Variants in SNUPN observed in about 807,000 individuals in gnomAD.
The protein encoded by SNUPN is snurportin-1.
Under a neutral mutation model 39.2 loss-of-function variants are expected in SNUPN, and 31 were observed. The observed-to-expected ratio is 0.79, with a 90% CI of 0.59 to 1.07. The LOEUF is 1.07. Ranked by LOEUF, SNUPN falls within the 50% of genes least tolerant of loss-of-function variation. The pLI is 0.00. For missense variants in SNUPN, 382 were observed against 434.2 expected, an observed-to-expected ratio of 0.88 and a Z score of 1.07; for synonymous variants, 132 against 159.0, an observed-to-expected ratio of 0.83 and a Z score of 1.28.
intron 5 of SNUPN, among the ~76,000 whole-genome samples, chr15:75,608,415 G>A (rs1892685925): frequency 6.6e-6 from 1 of 152,164 alleles, no homozygotes; most frequent in Non-Finnish European, 1.5e-5. Context: ...GCTCAGTACA[G>A]AGGACATGAG....
chr15:75,610,522 A>G (rs1442616440), intron 3 of SNUPN, among the ~76,000 whole-genome samples: 2 of 151,886 alleles, frequency 1.3e-5, no homozygotes, highest in African/African-American at 4.8e-5. Flanking sequence ...GCCACTGACT[A>G]TGAACTTTGG....
At position 75,617,388 on chromosome 15, in the gene SNUPN, ATCT is replaced by A. The variant is rs748042623; in HGVS notation, c.303+17_303+19del. The A allele has an allele frequency of 3.7e-6, 6 of 1,610,402 alleles. No individual in the cohort carries two copies. The highest frequency in any genetic ancestry group is 2.2e-5 in the South Asian group (2 of 90,214). Reference sequence around the variant, plus strand: ...AAGGGAGTGAGATTAGCTGGGTCTCATCTTCTCTGGACCACTTACTTGATTAGC... The same window carrying A: ...AAGGGAGTGAGATTAGCTGGGTCTCATCTCTGGACCACTTACTTGATTAGC... On this transcript the variant is annotated intron_variant, in intron 3 of 8. Transcript: ENST00000308588.
At chr15:75,622,916 G>A (rs1007041188) in intron 1 of SNUPN, among the ~76,000 whole-genome samples, 4 of 152,166 alleles carry the variant, frequency 2.6e-5, no homozygotes, top group African/African-American at 9.7e-5. Flanking sequence ...GAGGCAGGAG[G>A]TATGCTTGAG....
intron 1 of SNUPN, among the ~76,000 whole-genome samples, chr15:75,623,870 C>T (rs950058969): frequency 6.6e-6 from 1 of 151,512 alleles, no homozygotes; most frequent in Non-Finnish European, 1.5e-5. Context: ...GGTATGTATG[C>T]TATTGTCTCT....
chr15:75,600,884 T>C, intron 8 of SNUPN: 1 of 398,226 alleles, frequency 2.5e-6, no homozygotes, highest in South Asian at 2.6e-5. Context: ...GACCTCAGTT[T>C]CTCCATCTGT....
chr15:75,617,448 A>G lies in SNUPN; in HGVS notation c.263T>C (p.Ile88Thr), dbSNP rs756578105. The G allele has an allele frequency of 1.1e-5, 18 of 1,614,008 alleles. No homozygotes were observed. The highest frequency in any genetic ancestry group is 1.7e-5 in the Admixed American group (1 of 59,968). ...TTTTGGTAACTTCTTGACAGTGTCA[A>G]TGTCCATTTCTTCATCATCTTTCTT... ...ENKKDDEEMD[I>T]DTVKKLPKHY... The change falls in exon 3 of 9, where the codon ATT (isoleucine) becomes ACT (threonine). Residue 88 changes from isoleucine (I) to threonine (T), a missense_variant. Ile to Thr is a moderately conservative substitution (Grantham distance 89). Transcript: ENST00000308588.
intron 7 of SNUPN, among the ~76,000 whole-genome samples, chr15:75,603,321 ACAGGCGTGAGCTACCG>A (rs2075305382): frequency 7.0e-6 from 1 of 143,656 alleles, no homozygotes. Flanking sequence ...TGCTGGGATT[ACAGGCGTGAGCTACCG>A]CACTCGGCCT....
chr15:75,607,352 T>A, intron 5 of SNUPN, 39 bp from the exon 6 acceptor site: 1 of 1,433,584 alleles, frequency 7.0e-7, no homozygotes, highest in South Asian at 1.1e-5. Context: ...AGAGTTCTTC[T>A]TCCAACCAGG....
chr15:75,624,213 CA>C (rs1893156244), intron 1 of SNUPN, among the ~76,000 whole-genome samples: 1 of 150,414 alleles, frequency 6.6e-6, no homozygotes, highest in African/African-American at 2.4e-5. Context: ...AGGCGTGAGC[CA>C]CCGCGCCCGG....
chr15:75,601,776 C>T (rs2075289269), intron 7 of SNUPN, among the ~76,000 whole-genome samples: 1 of 151,922 alleles, frequency 6.6e-6, no homozygotes, highest in Non-Finnish European at 1.5e-5. Context: ...CTAAACCAAG[C>T]CAAAACAAAA....
intron 6 of SNUPN, among the ~76,000 whole-genome samples, chr15:75,605,741 C>T (rs990258927): frequency 4.6e-5 from 7 of 152,156 alleles, no homozygotes; most frequent in African/African-American, 1.7e-4. Context: ...TATCCTTCAG[C>T]AGAATTAAAG....
intron 8 of SNUPN, 195 bp downstream of exon 8, chr15:75,600,943 A>C (rs1678928141): frequency 1.9e-6 from 1 of 516,834 alleles, no homozygotes; most frequent in African/African-American, 1.9e-5. Context: ...TTCCAGTGCC[A>C]GCATTCTGAC....
chr15:75,603,673 A>AG (rs2075309003), intron 7 of SNUPN, among the ~76,000 whole-genome samples: 1 of 151,610 alleles, frequency 6.6e-6, no homozygotes, highest in African/African-American at 2.4e-5. Flanking sequence ...AAAAAAAAAA[A>AG]AAAAAAAAGC....
chr15:75,621,324 A>C (rs551752631), intron 1 of SNUPN, among the ~76,000 whole-genome samples: 1 of 150,070 alleles, frequency 6.7e-6, no homozygotes, highest in East Asian at 2.0e-4. Context: ...GTAGTGGTGC[A>C]ATCACAGCTC....
At chr15:75,605,548 C>A (rs1047068242) in intron 6 of SNUPN, among the ~76,000 whole-genome samples, 1 of 152,102 alleles carries the variant, frequency 6.6e-6, no homozygotes, top group African/African-American at 2.4e-5. Context: ...ATCTCTCCAC[C>A]TCGAGCCTCC....
At chr15:75,602,042 C>T (rs2075291881) in intron 7 of SNUPN, among the ~76,000 whole-genome samples, 1 of 152,004 alleles carries the variant, frequency 6.6e-6, no homozygotes, top group Admixed American at 6.6e-5. Context: ...TGTACCCAGC[C>T]CCAACCTTCT....
chr15:75,600,930 C>A, intron 8 of SNUPN: 1 of 494,708 alleles, frequency 2.0e-6, no homozygotes, highest in Non-Finnish European at 3.7e-6. Context: ...CCATTAAGGG[C>A]CCTTCCAGTG....
intron 6 of SNUPN, 79 bp from the exon 7 acceptor site, chr15:75,605,306 T>A (rs2075322469): frequency 8.6e-5 from 10 of 115,734 alleles, no homozygotes; most frequent in South Asian, 2.0e-4. Flanking sequence ...CCCCATGCTA[T>A]TTTTTTTTTT....
At position 75,620,893 on chromosome 15, in the gene SNUPN, C is replaced by T. The variant is rs745827754; in HGVS notation, c.158+1G>A. 3.3e-5 allele frequency: 53 copies of T among 1,612,292 alleles called. No individual in the cohort carries two copies. Among genetic ancestry groups the T allele is most frequent in the South Asian group, 1.3e-4 (12 of 91,030 alleles). ...AAGACAAGGAGTTAAAGCTTCCTTA[C>T]GATTTCTGCAGTTCCAGTAACCTCC... On this transcript the variant is annotated splice_donor_variant, in intron 2 of 8. Coordinates refer to ENST00000308588, the MANE Select transcript of SNUPN (RefSeq NM_005701.4). LOFTEE classifies it high-confidence loss of function.
Sources: allele counts gnomAD v4.1 joint callset (sites outside exome capture counted in the v4.1 genomes callset), GRCh38; gene constraint gnomAD v4.1.1; transcripts MANE v1.5; gene names NCBI Gene and HGNC (gene_info 2026-07-23, HGNC 2026-07-21).